SNX13: variants seen among roughly 807,000 people sequenced by gnomAD.
SNX13 encodes sorting nexin-13.
Under a neutral mutation model 133.6 loss-of-function variants are expected in SNX13, and 45 were observed. The ratio of observed to expected loss-of-function variants is 0.34; its 90% CI spans 0.27 to 0.43. SNX13 has a LOEUF of 0.43. SNX13 is among the 20% of genes least tolerant of loss of function. SNX13 has a pLI of 1.00. For synonymous variants in SNX13, 414 were observed against 373.9 expected (o/e 1.11, Z -1.24); for missense variants, 1,032 against 1,145.1 (o/e 0.90, Z 1.43).
At chr7:17,884,570 ATAAATTATTGT>A (rs1283281516) in intron 5 of SNX13, among the ~76,000 whole-genome samples, 2 of 152,198 alleles carry the variant, frequency 1.3e-5, no homozygotes, top group Non-Finnish European at 2.9e-5. Context: ...TAAATACCCA[ATAAATTATTGT>A]TAATAGAGTT....
At chr7:17,934,763 C>T (rs1583851448) in intron 1 of SNX13, among the ~76,000 whole-genome samples, 1 of 152,138 alleles carries the variant, frequency 6.6e-6, no homozygotes, top group Non-Finnish European at 1.5e-5. Flanking sequence ...TAAATCTGGC[C>T]AACAAATACA....
intron 9 of SNX13, among the ~76,000 whole-genome samples, chr7:17,862,887 G>A (rs1792890477): frequency 6.6e-6 from 1 of 152,138 alleles, no homozygotes; most frequent in South Asian, 2.1e-4. Context: ...AAAATTAGGT[G>A]AGTGATCACA....
intron 22 of SNX13, among the ~76,000 whole-genome samples, chr7:17,799,434 T>A (rs1353195765): frequency 6.6e-6 from 1 of 151,790 alleles, no homozygotes; most frequent in Non-Finnish European, 1.5e-5. Context: ...TAGGAAAAGA[T>A]GATTTGGTTC....
chr7:17,808,861 T>G (rs1237820142), intron 20 of SNX13, among the ~76,000 whole-genome samples: 1 of 152,092 alleles, frequency 6.6e-6, no homozygotes, highest in African/African-American at 2.4e-5. Context: ...CAACTAAGCT[T>G]CATAAGTGAA....
intron 25 of SNX13, chr7:17,796,222 G>C (rs1275078162): frequency 6.6e-6 from 1 of 151,766 alleles, no homozygotes; most frequent in Non-Finnish European, 1.5e-5. Flanking sequence ...AAGGTAGTGA[G>C]ATAGCTATAC....
chr7:17,805,489 A>G (rs1245705285), intron 20 of SNX13, among the ~76,000 whole-genome samples: 2 of 152,186 alleles, frequency 1.3e-5, no homozygotes, highest in African/African-American at 4.8e-5. Flanking sequence ...CTTGGGAAAA[A>G]ATTGCCACCT....
intron 1 of SNX13, chr7:17,897,781 C>T (rs1797368041): frequency 6.2e-6 from 1 of 160,758 alleles, no homozygotes; most frequent in African/African-American, 2.4e-5. Context: ...ACAAAAACAT[C>T]TGTACATTTA....
intron 15 of SNX13, chr7:17,830,654 G>A (rs1788386341): frequency 1.0e-6 from 1 of 983,372 alleles, no homozygotes. Flanking sequence ...ATTAATGTGA[G>A]AGAATAAGTC....
intron 9 of SNX13, among the ~76,000 whole-genome samples, chr7:17,857,014 A>G (rs1169802052): frequency 6.6e-6 from 1 of 152,036 alleles, no homozygotes; most frequent in African/African-American, 2.4e-5. Context: ...TAAGAAAAAA[A>G]GAGGCACCAA....
intron 9 of SNX13, among the ~76,000 whole-genome samples, chr7:17,859,837 T>C (rs539715739): frequency 1.3e-5 from 2 of 152,324 alleles, no homozygotes; most frequent in South Asian, 2.1e-4. Flanking sequence ...ATTTCCTTTT[T>C]TTTGGTTAAG....
intron 5 of SNX13, chr7:17,880,630 G>C (rs17138358): frequency 0.45 from 67,833 of 151,932 alleles, 15,634 homozygotes; most frequent in African/African-American, 0.55. Context: ...AGATGTAATA[G>C]AGCCTAGTCT....
rs368962977 is a variant in SNX13 at position 17,794,069 on chromosome 7, T to C, written c.2850A>G (p.Gln950=). The C allele has an allele frequency of 6.2e-6, 10 of 1,611,282 alleles. No homozygotes were observed. The highest frequency in any genetic ancestry group is 1.6e-4 in the Middle Eastern group (1 of 6,064). ...GTCACCTTTTCTGCAAAGAAGGCGC[T>C]TGAGTAGTTTGAAGTTTCTGTTTAT... The part of the protein sequence containing the change: ...QKYKQKLQTT[Q]APSLQKR The change falls in exon 26 of 26, where the codon CAA becomes CAG. Residue 950 remains glutamine (Q), a synonymous_variant. Transcript: ENST00000428135.
rs182105233 is a variant in SNX13 at position 17,805,275 on chromosome 7, A to C, written c.2065-1695T>G. On this transcript the variant is annotated intron_variant, in intron 20 of 25. Coordinates refer to ENST00000428135, the MANE Select transcript of SNX13 (RefSeq NM_015132.5). ...TGCGTGCGCGCGCGCGCATGCATGC[A>C]CATGTGTAATTCTAATTCTATATAC... Among the ~76,000 whole-genome samples the C allele has an allele frequency of 1.8e-3, 170 of 93,114 alleles. 1 individual carries two copies. Among genetic ancestry groups the C allele is most frequent in the African/African-American group, 5.6e-3 (158 of 28,244 alleles). The allele number at this position is 93,114 out of a possible 152,430, so 61.1% of individuals were successfully genotyped here.
chr7:17,837,508 T>C (rs1257459797), intron 13 of SNX13, among the ~76,000 whole-genome samples: 5 of 152,132 alleles, frequency 3.3e-5, no homozygotes. Flanking sequence ...AAACAGGTTT[T>C]TAAATGTGTA....
Position 17,791,063 on chromosome 7 carries a change from G to C in SNX13, c.*2982C>G, listed in dbSNP as rs1783491511. ...CTAATAAAAGAATTTTCCAAGGAGTGACAAAAAGACTTTTAAAACAAGTCC... is the reference window on the plus strand; with the variant it reads ...CTAATAAAAGAATTTTCCAAGGAGTCACAAAAAGACTTTTAAAACAAGTCC... On this transcript the variant is annotated 3_prime_UTR_variant, in exon 26 of 26. Coordinates refer to ENST00000428135, the MANE Select transcript of SNX13 (RefSeq NM_015132.5). The C allele has an allele frequency of 1.3e-5, 2 of 151,966 alleles. No homozygotes were observed. Among genetic ancestry groups the C allele is most frequent in the Non-Finnish European group, 1.5e-5 (1 of 67,882 alleles). 9.4% of individuals were successfully genotyped at this position (151,966 alleles called of 1,614,324 possible).
intron 2 of SNX13, among the ~76,000 whole-genome samples, chr7:17,894,588 G>A (rs1246191299): frequency 6.6e-6 from 1 of 151,998 alleles, no homozygotes. Context: ...ATAATTACAG[G>A]ATCAAGGAAG....
chr7:17,864,603 A>C (rs1793136197), intron 9 of SNX13, among the ~76,000 whole-genome samples: 1 of 152,226 alleles, frequency 6.6e-6, no homozygotes, highest in Non-Finnish European at 1.5e-5. Flanking sequence ...CAAAGAAATA[A>C]TAACAAAGAA....
At position 17,798,726 on chromosome 7, in the gene SNX13, G is replaced by A; in HGVS notation, c.2477C>T (p.Ser826Leu). The change falls in exon 24 of 26, where the codon TCA becomes TTA. Residue 826 changes from serine (S) to leucine (L), a missense_variant. Transcript: ENST00000428135. ...CACTGAGTCGGCTACTTGTTCAGGTGAAGTCATCCAGTCAACATGGTCAAC... is the reference window on the plus strand; with the variant it reads ...CACTGAGTCGGCTACTTGTTCAGGTAAAGTCATCCAGTCAACATGGTCAAC... The part of the protein sequence containing the change: ...KIVDHVDWMT[S>L]PEQVADSVKR... 6.4e-7 allele frequency: 1 copy of A among 1,570,764 alleles called. No individual in the cohort carries two copies. Among genetic ancestry groups the A allele is most frequent in the Non-Finnish European group, 8.6e-7 (1 of 1,162,342 alleles).
intron 9 of SNX13, among the ~76,000 whole-genome samples, chr7:17,853,787 C>T (rs1225419798): frequency 6.6e-6 from 1 of 151,864 alleles, no homozygotes; most frequent in African/African-American, 2.4e-5. Flanking sequence ...ACTAAAAATA[C>T]AAAAATTAGC....
Sources: allele counts gnomAD v4.1 joint callset (sites outside exome capture counted in the v4.1 genomes callset), GRCh38; gene constraint gnomAD v4.1.1; transcripts MANE v1.5; gene names NCBI Gene and HGNC (gene_info 2026-07-23, HGNC 2026-07-21).